The following WDHD1 variants were observed in gnomAD, a reference collection of about 807,000 sequenced individuals.
WDHD1 encodes the protein WD repeat and HMG-box DNA-binding protein 1.
Under a neutral mutation model 135.4 loss-of-function variants are expected in WDHD1, and 111 were observed. The ratio of observed to expected loss-of-function variants is 0.82; its 90% confidence interval spans 0.70 to 0.96. The LOEUF is 0.96. Ranked by LOEUF, WDHD1 falls within the 40% of genes least tolerant of loss-of-function variation. The pLI, the probability that WDHD1 is intolerant of heterozygous loss-of-function variation, is 0.00. For synonymous variants in WDHD1, 434 were observed against 439.0 expected, an observed-to-expected ratio of 0.99 and a Z score of 0.14; for missense variants, 1,351 against 1,336.3, an observed-to-expected ratio of 1.01 and a Z score of -0.17.
intron 25 of WDHD1, among the ~76,000 whole-genome samples, chr14:54,944,021 C>T (rs1214952827): frequency 6.6e-6 from 1 of 152,068 alleles, no homozygotes; most frequent in African/African-American, 2.4e-5. Context: ...CATATATCCG[C>T]ACTTACTTTC....
intron 2 of WDHD1, among the ~76,000 whole-genome samples, chr14:55,026,430 G>A (rs895650723): frequency 6.6e-6 from 1 of 152,128 alleles, no homozygotes; most frequent in South Asian, 2.1e-4. Flanking sequence ...CTAGTGATCT[G>A]ACAAAATTAA....
chr14:54,957,380 C>A (rs1023574396), intron 22 of WDHD1, among the ~76,000 whole-genome samples, 176 bp from the exon 23 acceptor site: 1 of 152,090 alleles, frequency 6.6e-6, no homozygotes, highest in African/African-American at 2.4e-5. Context: ...ATACCACATC[C>A]CCAAGAAAGA....
intron 22 of WDHD1, 27 bp downstream of exon 22, chr14:54,957,565 T>C (rs764142038): frequency 6.4e-7 from 1 of 1,565,230 alleles, no homozygotes; most frequent in East Asian, 2.2e-5. Context: ...ATTTAAATAA[T>C]ATAAAACATC....
At chr14:55,010,688 T>C (rs1299863932) in intron 3 of WDHD1, among the ~76,000 whole-genome samples, 1 of 152,276 alleles carries the variant, frequency 6.6e-6, no homozygotes, top group Non-Finnish European at 1.5e-5. Context: ...TCTTAGCCTC[T>C]AATTTTTCTT....
chr14:54,974,107 A>G (rs1229550910), intron 16 of WDHD1, among the ~76,000 whole-genome samples: 1 of 151,584 alleles, frequency 6.6e-6, no homozygotes, highest in Non-Finnish European at 1.5e-5. Context: ...AAAAAAAACA[A>G]TGAAAAACCT....
intron 7 of WDHD1, among the ~76,000 whole-genome samples, chr14:55,003,760 TATC>T (rs1486806097): frequency 6.6e-6 from 1 of 151,890 alleles, no homozygotes; most frequent in Non-Finnish European, 1.5e-5. Flanking sequence ...GACGGGGTCT[TATC>T]ATGTTGGCCA....
At position 54,995,651 on chromosome 14, in the gene WDHD1, G is replaced by A. The variant is rs1002008657; in HGVS notation, c.1105C>T (p.Arg369Cys). ...AGGATGTGACTTCGCTGTCTAGGACGACCTGAAGCCATCATGAGGTCTTCA... is the reference window on the plus strand; with the variant it reads ...AGGATGTGACTTCGCTGTCTAGGACAACCTGAAGCCATCATGAGGTCTTCA... ...DDEDLMMASG[R>C]PRQRSHILED... is the part of the protein sequence containing the mutation. Residue 369 changes from arginine (R) to cysteine (C), a missense_variant, in exon 11 of 26, where the codon CGT becomes TGT. By Grantham distance (180) the Arg-to-Cys change is radical. Around this residue, in one of 2 missense-constraint regions of WDHD1, gnomAD observed 1,330 missense variants for 1,296.1 expected, o/e 1.03. Coordinates refer to ENST00000360586, the MANE Select transcript of WDHD1 (RefSeq NM_007086.4). 3.1e-6 allele frequency: 5 copies of A among 1,612,826 alleles called. No homozygotes were observed. The highest frequency in any genetic ancestry group is 2.2e-5 in the East Asian group (1 of 44,848).
intron 16 of WDHD1, among the ~76,000 whole-genome samples, chr14:54,969,935 T>G (rs1434009657): frequency 6.6e-6 from 1 of 152,122 alleles, no homozygotes; most frequent in East Asian, 1.9e-4. Flanking sequence ...ATCAACAGAA[T>G]TAAAAACAAA....
At position 54,979,894 on chromosome 14, in the gene WDHD1, T is replaced by C. The variant is rs1595088021; in HGVS notation, c.2063+1646A>G. 2.6e-5 allele frequency among the ~76,000 whole-genome samples: 4 copies of C among 152,346 alleles called. No homozygotes were observed. In the East Asian group the frequency reaches 7.7e-4, roughly 29 times the overall value. ...TCTTTCCCCACTTTTACACAAATGG[T>C]ATTTATTTCACTTAACACATCTTGC... On this transcript the variant is annotated intron_variant, in intron 16 of 25. Transcript: ENST00000360586.
At chr14:55,014,071 G>C (rs1017086108) in intron 2 of WDHD1, among the ~76,000 whole-genome samples, 2 of 152,100 alleles carry the variant, frequency 1.3e-5, no homozygotes, top group Non-Finnish European at 2.9e-5. Flanking sequence ...TAAAATAAAA[G>C]ATGAGTTTAA....
chr14:55,000,769 TTTAA>T (rs2041967498), intron 9 of WDHD1, 113 bp downstream of exon 9: 2 of 1,073,844 alleles, frequency 1.9e-6, no homozygotes, highest in Admixed American at 3.5e-5. Flanking sequence ...ATAATATAAA[TTTAA>T]TTATACTTTC....
At chr14:55,012,344 A>G (rs2042184355) in intron 3 of WDHD1, among the ~76,000 whole-genome samples, 1 of 152,190 alleles carries the variant, frequency 6.6e-6, no homozygotes, top group African/African-American at 2.4e-5. Flanking sequence ...AACACAATAC[A>G]CTCAAGTTAA....
intron 25 of WDHD1, among the ~76,000 whole-genome samples, chr14:54,943,897 C>A (rs1465251051): frequency 6.6e-6 from 1 of 151,648 alleles, no homozygotes; most frequent in African/African-American, 2.4e-5. Flanking sequence ...TGGCAGTGAG[C>A]CATGATCACA....
intron 12 of WDHD1, 133 bp downstream of exon 12, chr14:54,991,080 C>T (rs1333495227): frequency 5.7e-6 from 3 of 528,518 alleles, no homozygotes; most frequent in Non-Finnish European, 1.0e-5. Context: ...AACCACAAAA[C>T]TGTAATCAAC....
At chr14:55,023,268 C>T (rs900772190) in intron 2 of WDHD1, among the ~76,000 whole-genome samples, 4 of 152,184 alleles carry the variant, frequency 2.6e-5, no homozygotes, top group African/African-American at 9.7e-5. Flanking sequence ...GAGTCTATAG[C>T]TATGCCTTTC....
At chr14:55,012,142 C>T (rs2042181330) in intron 3 of WDHD1, among the ~76,000 whole-genome samples, 2 of 152,056 alleles carry the variant, frequency 1.3e-5, no homozygotes, top group Non-Finnish European at 2.9e-5. Flanking sequence ...TTAAAATTTG[C>T]ATTTCTTTGC....
chr14:55,000,394 T>C, intron 10 of WDHD1, 109 bp downstream of exon 10: 1 of 1,179,860 alleles, frequency 8.5e-7, no homozygotes, highest in Non-Finnish European at 1.1e-6. Flanking sequence ...TCTACTATAG[T>C]AACATGAAAG....
chr14:55,014,974 A>T (rs536228501), intron 2 of WDHD1, among the ~76,000 whole-genome samples: 1 of 152,266 alleles, frequency 6.6e-6, no homozygotes, highest in Non-Finnish European at 1.5e-5. Context: ...GCCAGGAAAG[A>T]AAAAGGAAAA....
intron 17 of WDHD1, 65 bp from the exon 18 acceptor site, chr14:54,966,671 TTTATC>T (rs1204298165): frequency 1.2e-5 from 18 of 1,490,900 alleles, no homozygotes; most frequent in Non-Finnish European, 1.5e-5. Flanking sequence ...GCGTTAAATA[TTTATC>T]TTAAGATACC....
Sources: allele counts gnomAD v4.1 joint callset (sites outside exome capture counted in the v4.1 genomes callset), GRCh38; gene constraint gnomAD v4.1.1; regional missense constraint gnomAD v4.1.1; transcripts MANE v1.5; gene names NCBI Gene and HGNC (gene_info 2026-07-23, HGNC 2026-07-21).